Variants in TRAPPC9 observed in about 807,000 individuals in gnomAD.
The protein encoded by TRAPPC9 is trafficking protein particle complex subunit 9.
Under a neutral mutation model 124.0 loss-of-function variants are expected in TRAPPC9, and 83 were observed. The observed-to-expected ratio is 0.67, with a 90% CI of 0.56 to 0.80. The LOEUF (loss-of-function observed/expected upper bound fraction) is 0.80, where lower values mean the gene tolerates loss of function less well. Among genes scored for constraint, TRAPPC9 ranks in the 30% least tolerant of loss-of-function variants. The pLI, the probability that TRAPPC9 is intolerant of heterozygous loss-of-function variation, is 0.00. For synonymous variants in TRAPPC9, 638 were observed against 617.5 expected, an observed-to-expected ratio of 1.03 and a Z score of -0.49; for missense variants, 1,302 against 1,508.3, an observed-to-expected ratio of 0.86 and a Z score of 2.27.
chr8:139,862,021 A>G (rs1828197966), intron 21 of TRAPPC9, among the ~76,000 whole-genome samples: 1 of 152,282 alleles, frequency 6.6e-6, no homozygotes, highest in Admixed American at 6.5e-5. Flanking sequence ...TCTGAATGCA[A>G]GACCATCAGG....
intron 17 of TRAPPC9, among the ~76,000 whole-genome samples, chr8:140,133,071 C>G (rs1336089129): frequency 6.6e-6 from 1 of 152,168 alleles, no homozygotes; most frequent in Non-Finnish European, 1.5e-5. Flanking sequence ...AGGCCAGCAG[C>G]ATCACCCTGA....
intron 9 of TRAPPC9, among the ~76,000 whole-genome samples, chr8:140,339,444 A>C (rs2067135294): frequency 6.6e-6 from 1 of 152,246 alleles, no homozygotes; most frequent in Non-Finnish European, 1.5e-5. Flanking sequence ...ATCTTTGACA[A>C]GTGAATGAAC....
chr8:140,062,688 G>T (rs1367722154), intron 17 of TRAPPC9, among the ~76,000 whole-genome samples: 1 of 152,134 alleles, frequency 6.6e-6, no homozygotes, highest in African/African-American at 2.4e-5. Context: ...CCTACTAGAA[G>T]ATGAGCTCCT....
At chr8:139,868,628 G>C (rs1169797705) in intron 21 of TRAPPC9, among the ~76,000 whole-genome samples, 1 of 152,186 alleles carries the variant, frequency 6.6e-6, no homozygotes, top group Non-Finnish European at 1.5e-5. Flanking sequence ...TTGCTTTGCA[G>C]ACTGAATGAC....
chr8:140,398,139 T>A (rs1279543303), intron 6 of TRAPPC9, among the ~76,000 whole-genome samples: 1 of 152,270 alleles, frequency 6.6e-6, no homozygotes, highest in Non-Finnish European at 1.5e-5. Context: ...CTGCCATGAT[T>A]GTGAGGCTTC....
At chr8:140,051,026 G>A (rs756433740) in intron 17 of TRAPPC9, among the ~76,000 whole-genome samples, 12 of 152,194 alleles carry the variant, frequency 7.9e-5, no homozygotes, top group Non-Finnish European at 1.3e-4. Flanking sequence ...ACACAATCTC[G>A]TACAGAGAGG....
chr8:140,133,809 T>C (rs2061246075), intron 17 of TRAPPC9, among the ~76,000 whole-genome samples: 1 of 151,532 alleles, frequency 6.6e-6, no homozygotes, highest in Admixed American at 6.6e-5. Flanking sequence ...TTTAAAATAG[T>C]ATATGGAATA....
intron 17 of TRAPPC9, among the ~76,000 whole-genome samples, chr8:140,106,065 G>A (rs1587718764): frequency 6.6e-6 from 1 of 150,846 alleles, no homozygotes; most frequent in African/African-American, 2.4e-5. Flanking sequence ...CTGGTGCTCA[G>A]ATCAAAAAGC....
At chr8:140,195,181 C>T (rs1232931269) in intron 17 of TRAPPC9, among the ~76,000 whole-genome samples, 8 of 146,148 alleles carry the variant, frequency 5.5e-5, no homozygotes, top group African/African-American at 2.0e-4. Flanking sequence ...AAGGATCCAC[C>T]GAACAGATCA....
At chr8:139,884,941 T>G (rs192750330) in intron 21 of TRAPPC9, among the ~76,000 whole-genome samples, 41 of 152,296 alleles carry the variant, frequency 2.7e-4, no homozygotes, top group Admixed American at 1.6e-3. Flanking sequence ...AGGGCGCTGG[T>G]GGAGTGCAAG....
chr8:139,877,486 C>A (rs936408134), intron 21 of TRAPPC9, among the ~76,000 whole-genome samples: 3 of 152,206 alleles, frequency 2.0e-5, no homozygotes, highest in Non-Finnish European at 4.4e-5. Flanking sequence ...CTCGGGAGCT[C>A]CAGCCCGATG....
chr8:140,152,909 A>C (rs1299471561), intron 17 of TRAPPC9, among the ~76,000 whole-genome samples: 1 of 152,096 alleles, frequency 6.6e-6, no homozygotes, highest in Non-Finnish European at 1.5e-5. Context: ...CTTTTTGCAC[A>C]ATGTTGAATC....
In TRAPPC9 at chr8:140,275,643, G is replaced by A. The variant is rs769860373; in HGVS notation, c.2278+15C>T. The A allele has an allele frequency of 5.6e-6, 9 of 1,613,368 alleles. No individual in the cohort carries two copies. The South Asian group carries it at 6.6e-5, about 12-fold the overall frequency. ...TACAAACATTCCCAGGGTCAAAGCT[G>A]CTTACAATACCTACCTTTAGTGGTG... On this transcript the variant is annotated intron_variant, in intron 15 of 22. Transcript: ENST00000438773.
chr8:140,325,102 C>A (rs774238910), intron 9 of TRAPPC9, among the ~76,000 whole-genome samples: 1 of 152,016 alleles, frequency 6.6e-6, no homozygotes, highest in Admixed American at 6.6e-5. Flanking sequence ...TGCATACACA[C>A]GTCAAAAATA....
rs114850082 is a variant in TRAPPC9, at chr8:139,952,115, G to A, written c.2810+36611C>T. 8.9e-3 allele frequency among the ~76,000 whole-genome samples: 1,363 copies of A among 152,296 alleles called. 15 individuals carry two copies. Among genetic ancestry groups the A allele is most frequent in the African/African-American group, 0.031 (1,294 of 41,564 alleles). On this transcript the variant is annotated intron_variant, in intron 19 of 22. Coordinates refer to ENST00000438773, the MANE Select transcript of TRAPPC9 (RefSeq NM_001160372.4). Reference sequence around the variant, plus strand: ...TACCTTCTTACCCACAACTTAAGCTGTTACTAACTTCAGTCTCAAAATGGC... The same window carrying A: ...TACCTTCTTACCCACAACTTAAGCTATTACTAACTTCAGTCTCAAAATGGC...
At position 140,277,670 on chromosome 8, in the gene TRAPPC9, C is replaced by A. The variant is rs144861048; in HGVS notation, c.2115-1849G>T. On this transcript the variant is annotated intron_variant, in intron 14 of 22. Transcript: ENST00000438773. ...AGCTTGGGTGGGAATCGGGCTGGCA[C>A]TGAAAAGGAGCTGAGTCCTGAACAG... 5.4e-4 allele frequency among the ~76,000 whole-genome samples: 82 copies of A among 152,336 alleles called. No homozygotes were observed. The East Asian group carries it at 0.01, about 19-fold the overall frequency.
chr8:140,224,091 T>G (rs1245712805), intron 16 of TRAPPC9, among the ~76,000 whole-genome samples: 2 of 152,108 alleles, frequency 1.3e-5, no homozygotes, highest in African/African-American at 2.4e-5. Flanking sequence ...CTCTCTGCAC[T>G]TAGAAGAAAA....
intron 18 of TRAPPC9, among the ~76,000 whole-genome samples, chr8:140,006,195 A>C (rs1838735026): frequency 6.6e-6 from 1 of 152,228 alleles, no homozygotes; most frequent in Non-Finnish European, 1.5e-5. Flanking sequence ...AAAGCAACCC[A>C]GTCTTTGTGA....
chr8:140,370,483 C>T (rs2068250776), intron 8 of TRAPPC9, among the ~76,000 whole-genome samples: 1 of 152,166 alleles, frequency 6.6e-6, no homozygotes, highest in Non-Finnish European at 1.5e-5. Flanking sequence ...TTGTCTAATA[C>T]TGGGCATTAT....
Sources: gnomAD v4.1 joint callset for allele counts (sites outside exome capture counted in the v4.1 genomes callset) on GRCh38, gnomAD v4.1.1 for gene constraint, MANE v1.5 for transcripts, NCBI Gene and HGNC (gene_info 2026-07-23, HGNC 2026-07-21) for gene names.